ODF2: variants seen among roughly 807,000 people sequenced by gnomAD.
ODF2 encodes outer dense fiber protein 2.
In ODF2, 47 loss-of-function variants were observed where a neutral mutation model predicts 110.2. The observed-to-expected ratio is 0.43, with a 90% CI of 0.34 to 0.54. ODF2 has a LOEUF of 0.54. Among genes scored for constraint, ODF2 ranks in the 20% least tolerant of loss-of-function variants. The pLI is 0.03. For synonymous variants in ODF2, 352 were observed against 397.7 expected (o/e 0.89, Z 1.37); for missense variants, 812 against 1,054.5 (o/e 0.77, Z 3.19).
chr9:128,460,793 G>C, intron 3 of ODF2, 127 bp downstream of exon 3: 1 of 1,517,516 alleles, frequency 6.6e-7, no homozygotes, highest in Non-Finnish European at 9.0e-7. Flanking sequence ...CCGGTTTCCT[G>C]GTTAGAAGGT....
rs1244307184 is a variant in ODF2, at chr9:128,494,621, C to T, written c.1864C>T (p.Arg622Trp). The T allele has an allele frequency of 9.9e-6, 16 of 1,614,128 alleles. No individual in the cohort carries two copies. Among genetic ancestry groups the T allele is most frequent in the Admixed American group, 1.7e-5 (1 of 60,024 alleles). ...CCAAGACCAACTGCAGGGCTATGAGCGGAAGAACATCGACCTCACAGCCAT... is the reference window on the plus strand; with the variant it reads ...CCAAGACCAACTGCAGGGCTATGAGTGGAAGAACATCGACCTCACAGCCAT... Residue 622 changes from arginine to tryptophan, a missense_variant, in exon 17 of 21, where the codon CGG (arginine) becomes TGG (tryptophan). Coordinates refer to ENST00000604420, the Ensembl canonical transcript of ODF2. The surrounding 1 kb of genome is among the most constrained non-coding windows in gnomAD (Gnocchi z 4.6).
chr9:128,469,442 G>GTCTGCAGGCCTTCAGGCCTCC, intron 5 of ODF2, 89 bp downstream of exon 5: 2 of 1,387,122 alleles, frequency 1.4e-6, no homozygotes, highest in Non-Finnish European at 2.0e-6. Flanking sequence ...CTCAGCCTGC[G>GTCTGCAGGCCTTCAGGCCTCC]TCTGCAGGCC....
At chr9:128,483,884 T>TG in intron 10 of ODF2, 54 bp from the exon 11 acceptor site, 1 of 1,265,568 alleles carries the variant, frequency 7.9e-7, no homozygotes, top group Non-Finnish European at 1.2e-6. Context: ...AGACTCCGTA[T>TG]GAAAAAAACA....
chr9:128,470,040 T>C (rs1490908749), intron 5 of ODF2, among the ~76,000 whole-genome samples: 1 of 66,082 alleles, frequency 1.5e-5, no homozygotes, highest in African/African-American at 5.6e-5. Context: ...TATATATATA[T>C]ATATATAAAT....
intron 18 of ODF2, chr9:128,497,575 C>T (rs1442126911): frequency 6.8e-6 from 1 of 146,712 alleles, no homozygotes; most frequent in African/African-American, 2.5e-5. Context: ...ACCCGGGAGG[C>T]GGAGCTTGCA....
At chr9:128,456,537 T>C (rs1834829563) in intron 1 of ODF2, 2 of 1,526,702 alleles carry the variant, frequency 1.3e-6, no homozygotes, top group Admixed American at 2.0e-5. Context: ...GGCTTCACCT[T>C]TCTCTCTATG....
At chr9:128,487,805 AC>A (rs372216616) in intron 13 of ODF2, 84 bp from the exon 14 acceptor site, 1,371,015 of 1,432,778 alleles carry the variant, frequency 0.96, 655,235 homozygotes, top group Non-Finnish European at 0.96. Flanking sequence ...AACAAACAAA[AC>A]ACACACACAC....
chr9:128,495,290 T>A (rs1036863299), intron 17 of ODF2, among the ~76,000 whole-genome samples: 6 of 152,266 alleles, frequency 3.9e-5, no homozygotes, highest in African/African-American at 1.4e-4. Flanking sequence ...TGTTCCTGCA[T>A]TCTCTCATTT....
chr9:128,463,264 AAAC>A (rs1836969309), intron 4 of ODF2, among the ~76,000 whole-genome samples: 1 of 151,986 alleles, frequency 6.6e-6, no homozygotes, highest in Admixed American at 6.6e-5. Flanking sequence ...GTCTCAAACA[AAAC>A]AAAACAAAAG....
intron 4 of ODF2, among the ~76,000 whole-genome samples, chr9:128,464,140 G>A (rs1312646928): frequency 1.4e-5 from 2 of 140,890 alleles, no homozygotes; most frequent in South Asian, 2.3e-4. Flanking sequence ...CCACCACCAC[G>A]CACAGCCAAA....
intron 4 of ODF2, among the ~76,000 whole-genome samples, chr9:128,464,531 G>C (rs1314880320): frequency 6.6e-6 from 1 of 151,782 alleles, no homozygotes; most frequent in Non-Finnish European, 1.5e-5. Context: ...ACGGAGTCTT[G>C]TTCTGTTGCC....
chr9:128,496,901 T>C (rs1291143265), intron 18 of ODF2, among the ~76,000 whole-genome samples: 1 of 152,082 alleles, frequency 6.6e-6, no homozygotes, highest in Non-Finnish European at 1.5e-5. Flanking sequence ...CTAATTTTTG[T>C]ATTTTTTGTA....
At chr9:128,495,567 T>C (rs1845433736) in intron 17 of ODF2, among the ~76,000 whole-genome samples, 1 of 152,256 alleles carries the variant, frequency 6.6e-6, no homozygotes, top group Admixed American at 6.5e-5. Context: ...AACAGCCCTC[T>C]GGGTAAATTC....
In ODF2 at chr9:128,473,843, GAGAGGTCCTT is replaced by G. The variant is rs1840631894; in HGVS notation, c.843+107_843+116del. ...AGAAAATAAGATTGGTGCCCGACCT[GAGAGGTCCTT>G]AGAGAGATGTAATGAAATTGTTCAC... On this transcript the variant is annotated intron_variant, in intron 8 of 20. Transcript: ENST00000604420. 3 of 1,080,552 alleles carry G rather than the reference GAGAGGTCCTT, an allele frequency of 2.8e-6. No individual in the cohort carries two copies. The South Asian group carries it at 4.3e-5, about 15-fold the overall frequency. The allele number at this position is 1,080,552 out of a possible 1,614,324, so 66.9% of individuals were successfully genotyped here. A position where few individuals can be genotyped will look rare whatever the true frequency, so the allele number is the denominator to read the frequency against.
At chr9:128,473,623 C>A in exon 8 of ODF2, 1 of 1,613,584 alleles carries the variant, frequency 6.2e-7, no homozygotes, top group South Asian at 1.1e-5. Context: ...AAACAAATGA[C>A]CTGCACGGAC....
chr9:128,467,004 AAAAAAAAAAAATATATATATAT>A (rs1303160690), intron 4 of ODF2, among the ~76,000 whole-genome samples: 3 of 65,402 alleles, frequency 4.6e-5, no homozygotes, highest in Non-Finnish European at 7.7e-5. Context: ...AAAAAAAAAA[AAAAAAAAAAAATATATATATAT>A]ATATATATAT....
At chr9:128,459,430 G>T in intron 2 of ODF2, 137 bp from the exon 2 acceptor site, 2 of 659,206 alleles carry the variant, frequency 3.0e-6, no homozygotes, top group South Asian at 3.6e-5. Context: ...CATCTCAGGG[G>T]AGTCAAGGAA....
chr9:128,469,681 C>A (rs1452785290), intron 5 of ODF2, among the ~76,000 whole-genome samples: 1 of 152,008 alleles, frequency 6.6e-6, no homozygotes, highest in African/African-American at 2.4e-5. Flanking sequence ...AGGGCCTATG[C>A]CTTCCGCTTT....
chr9:128,488,485 T>C (rs899961965), intron 14 of ODF2, among the ~76,000 whole-genome samples: 6 of 152,202 alleles, frequency 3.9e-5, no homozygotes, highest in African/African-American at 1.4e-4. Context: ...CTGTAGGACC[T>C]GAGTGAAAAA....
Sources: allele counts gnomAD v4.1 joint callset (sites outside exome capture counted in the v4.1 genomes callset), GRCh38; gene constraint gnomAD v4.1.1; non-coding constraint Gnocchi (gnomAD v3.1); transcripts MANE v1.5; gene names NCBI Gene and HGNC (gene_info 2026-07-23, HGNC 2026-07-21).